The following RASAL2 variants were observed in gnomAD, a reference collection of about 807,000 sequenced individuals.
RASAL2 encodes the protein ras GTPase-activating protein nGAP.
Under a neutral mutation model 128.9 loss-of-function variants are expected in RASAL2, and 58 were observed. The observed-to-expected ratio is 0.45, with a 90% CI of 0.36 to 0.56. The LOEUF (loss-of-function observed/expected upper bound fraction) is 0.56. RASAL2 is among the 20% of genes least tolerant of loss of function. The pLI, the probability that RASAL2 is intolerant of heterozygous loss-of-function variation, is 0.00. For synonymous variants in RASAL2, 561 were observed against 580.8 expected (o/e 0.97, Z 0.49); for missense variants, 1,360 against 1,601.6 (o/e 0.85, Z 2.57).
At chr1:178,306,592 A>G (rs1668000763) in intron 3 of RASAL2, among the ~76,000 whole-genome samples, 1 of 151,676 alleles carries the variant, frequency 6.6e-6, no homozygotes, top group Non-Finnish European at 1.5e-5. Flanking sequence ...TTGCCATTCT[A>G]ACTGGTGTGA....
intron 3 of RASAL2, among the ~76,000 whole-genome samples, chr1:178,372,736 G>C (rs1426369116): frequency 6.6e-6 from 1 of 152,192 alleles, no homozygotes; most frequent in East Asian, 1.9e-4. Context: ...AAATCGAGAA[G>C]TAGCTTTTAT....
chr1:178,300,453 G>C (rs942092341), intron 3 of RASAL2, among the ~76,000 whole-genome samples: 2 of 152,198 alleles, frequency 1.3e-5, no homozygotes, highest in Non-Finnish European at 2.9e-5. Context: ...AGGTTCATAA[G>C]GGAGCAGTAT....
intron 1 of RASAL2, among the ~76,000 whole-genome samples, chr1:178,200,262 A>C (rs1292560381): frequency 6.6e-6 from 1 of 152,160 alleles, no homozygotes; most frequent in Non-Finnish European, 1.5e-5. Context: ...GCTTAATACG[A>C]ATAGACCCCA....
chr1:178,423,758 A>T (rs2102762562), intron 5 of RASAL2, among the ~76,000 whole-genome samples: 2 of 152,240 alleles, frequency 1.3e-5, no homozygotes, highest in Admixed American at 1.3e-4. Flanking sequence ...GCTAATGCTT[A>T]GTATACTGAA....
At position 178,476,489 on chromosome 1, in the gene RASAL2, G is replaced by A. The variant is rs551395241; in HGVS notation, c.*3250G>A. 1 of 152,210 alleles carries A rather than the reference G, an allele frequency of 6.6e-6. No homozygotes were observed. Among genetic ancestry groups the A allele is most frequent in the South Asian group, 2.1e-4 (1 of 4,806 alleles). 9.4% of individuals were successfully genotyped at this position (152,210 alleles called of 1,614,324 possible). On this transcript the variant is annotated 3_prime_UTR_variant, in exon 18 of 18. Coordinates refer to ENST00000367649, the MANE Select transcript of RASAL2 (RefSeq NM_170692.4). ...AGCACTATCACCAAGGTACTGTTGG[G>A]GTTTATGGCAGTCTAACGGTAAGAA...
chr1:178,101,653 T>C (rs1166160666), intron 1 of RASAL2, among the ~76,000 whole-genome samples: 2 of 152,220 alleles, frequency 1.3e-5, no homozygotes, highest in Non-Finnish European at 2.9e-5. Flanking sequence ...GTTTTTGATA[T>C]TTTTCAAAGC....
At chr1:178,457,104 TTACAATA>T (rs1265187593) in intron 13 of RASAL2, among the ~76,000 whole-genome samples, 26 of 152,190 alleles carry the variant, frequency 1.7e-4, no homozygotes, top group African/African-American at 6.3e-4. Flanking sequence ...GTATAGAGAG[TTACAATA>T]TATTCCACAA....
At chr1:178,446,893 G>A (rs1214387939) in intron 9 of RASAL2, among the ~76,000 whole-genome samples, 3 of 152,180 alleles carry the variant, frequency 2.0e-5, no homozygotes, top group Non-Finnish European at 2.9e-5. Flanking sequence ...GAGCAGATAA[G>A]ATAAGAAGTA....
chr1:178,113,149 A>G (rs1026133826), intron 1 of RASAL2, among the ~76,000 whole-genome samples: 2 of 152,194 alleles, frequency 1.3e-5, no homozygotes, highest in Non-Finnish European at 2.9e-5. Flanking sequence ...TCTTTGTTGA[A>G]AATGTAATAT....
chr1:178,209,296 T>C (rs1465112834), intron 1 of RASAL2, among the ~76,000 whole-genome samples: 1 of 152,188 alleles, frequency 6.6e-6, no homozygotes, highest in African/African-American at 2.4e-5. Flanking sequence ...TTGGATACTA[T>C]TGTCCTGGAT....
intron 3 of RASAL2, among the ~76,000 whole-genome samples, chr1:178,352,827 T>G (rs1670589494): frequency 6.6e-6 from 1 of 152,236 alleles, no homozygotes; most frequent in East Asian, 1.9e-4. Flanking sequence ...CTTAACACCA[T>G]GTATTTAAGG....
At chr1:178,111,854 C>T (rs955030868) in intron 1 of RASAL2, among the ~76,000 whole-genome samples, 2 of 152,072 alleles carry the variant, frequency 1.3e-5, no homozygotes, top group African/African-American at 2.4e-5. Context: ...CTCAGCCTCC[C>T]GAGTAGCTGG....
intron 3 of RASAL2, among the ~76,000 whole-genome samples, chr1:178,304,663 CA>C (rs1571820830): frequency 1.3e-5 from 2 of 152,136 alleles, no homozygotes; most frequent in East Asian, 3.9e-4. Context: ...ATAAGGAAAT[CA>C]AAACAGCAAA....
At chr1:178,335,730 A>G (rs982059492) in intron 3 of RASAL2, among the ~76,000 whole-genome samples, 2 of 152,224 alleles carry the variant, frequency 1.3e-5, no homozygotes, top group African/African-American at 2.4e-5. Flanking sequence ...GAAAAAGCAC[A>G]TAAGTGGAAT....
intron 1 of RASAL2, among the ~76,000 whole-genome samples, chr1:178,118,150 C>T (rs117950645): frequency 9.4e-5 from 14 of 148,736 alleles, no homozygotes; most frequent in African/African-American, 2.0e-4. Context: ...GCAGTAAGAA[C>T]GAGACTCTGT....
chr1:178,262,327 C>T (rs926486628), intron 1 of RASAL2, among the ~76,000 whole-genome samples: 7 of 151,618 alleles, frequency 4.6e-5, no homozygotes, highest in Admixed American at 1.3e-4. Context: ...GTTTCAGTGA[C>T]GTCATACAAT....
At chr1:178,214,510 C>T (rs955895874) in intron 1 of RASAL2, among the ~76,000 whole-genome samples, 1 of 151,912 alleles carries the variant, frequency 6.6e-6, no homozygotes, top group South Asian at 2.1e-4. Flanking sequence ...TAGTAGCTGC[C>T]ATTGGCTGAA....
At chr1:178,178,123 C>T (rs1661956156) in intron 1 of RASAL2, among the ~76,000 whole-genome samples, 1 of 151,892 alleles carries the variant, frequency 6.6e-6, no homozygotes, top group Non-Finnish European at 1.5e-5. Context: ...TAACACTAGT[C>T]CAAACATTTA....
At chr1:178,225,576 G>T (rs1663757170) in intron 1 of RASAL2, among the ~76,000 whole-genome samples, 1 of 151,758 alleles carries the variant, frequency 6.6e-6, no homozygotes, top group Non-Finnish European at 1.5e-5. Context: ...AAAACCAGAG[G>T]TCTAAGGTGA....
Sources: allele counts gnomAD v4.1 joint callset (sites outside exome capture counted in the v4.1 genomes callset), GRCh38; gene constraint gnomAD v4.1.1; transcripts MANE v1.5; gene names NCBI Gene and HGNC (gene_info 2026-07-23, HGNC 2026-07-21).